The following ARMC2 variants were observed in gnomAD, a reference collection of about 807,000 sequenced individuals.
The protein encoded by ARMC2 is armadillo repeat containing 2.
Under a neutral mutation model 90.3 loss-of-function variants are expected in ARMC2, and 67 were observed. The observed-to-expected ratio is 0.74, with a 90% confidence interval of 0.61 to 0.91. The LOEUF is 0.91. Among genes scored for constraint, ARMC2 ranks in the 40% least tolerant of loss-of-function variants. ARMC2 has a pLI of 0.00. For synonymous variants in ARMC2, 393 were observed against 393.0 expected, an observed-to-expected ratio of 1.00 and a Z score of 0.00; for missense variants, 920 against 1,030.9, an observed-to-expected ratio of 0.89 and a Z score of 1.47.
chr6:108,895,407 C>G (rs1183713526), intron 6 of ARMC2, among the ~76,000 whole-genome samples: 1 of 149,902 alleles, frequency 6.7e-6, no homozygotes, highest in Non-Finnish European at 1.5e-5. Context: ...TCACTTGAAC[C>G]CAGGAGATGG....
chr6:108,893,889 G>A (rs1054573483), intron 5 of ARMC2, among the ~76,000 whole-genome samples: 1 of 152,146 alleles, frequency 6.6e-6, no homozygotes, highest in Non-Finnish European at 1.5e-5. Context: ...ATGGTGGCAT[G>A]TGCCTGTAAT....
At position 108,951,195 on chromosome 6, in the gene ARMC2, C is replaced by T. The variant is rs542598370; in HGVS notation, c.1597-1838C>T. Among the ~76,000 whole-genome samples, 12 of 152,328 alleles carry T rather than the reference C, an allele frequency of 7.9e-5. No homozygotes were observed. In the East Asian group the frequency reaches 9.6e-4, roughly 12 times the overall value. On this transcript the variant is annotated intron_variant, in intron 12 of 17. Transcript: ENST00000392644. ...ACCTGGGACTCATAATCCCCTTTCA[C>T]GTCTCGCTTCTTCCTTTGCCGTTTT...
the ARMC2 span, among the ~76,000 whole-genome samples, chr6:109,039,846 G>C: frequency 6.6e-6 from 1 of 152,222 alleles, no homozygotes; most frequent in Non-Finnish European, 1.5e-5. Context: ...AGTTAGTGAA[G>C]TGAATTATTG....
At chr6:109,040,842 C>T in the ARMC2 span, among the ~76,000 whole-genome samples, 5 of 151,680 alleles carry the variant, frequency 3.3e-5, no homozygotes, top group East Asian at 2.0e-4. Context: ...TTAGTAGAGA[C>T]GGGGTTTCAC....
the ARMC2 span, among the ~76,000 whole-genome samples, chr6:109,044,311 C>CA: frequency 0.012 from 349 of 28,458 alleles, 88 homozygotes; most frequent in East Asian, 0.031. Context: ...GAACTTGCCT[C>CA]AAAAAAAAAA....
intron 10 of ARMC2, among the ~76,000 whole-genome samples, chr6:108,925,788 G>T (rs556677205): frequency 6.6e-6 from 1 of 152,216 alleles, no homozygotes; most frequent in African/African-American, 2.4e-5. Flanking sequence ...ATTTCTACCA[G>T]CACCACAAAT....
the ARMC2 span, among the ~76,000 whole-genome samples, chr6:108,982,600 T>C: frequency 1.3e-5 from 2 of 152,210 alleles, no homozygotes; most frequent in African/African-American, 4.8e-5. Flanking sequence ...GCCACATAAG[T>C]GTTCCAATTT....
At chr6:109,013,172 G>A in the ARMC2 span, among the ~76,000 whole-genome samples, 1 of 152,136 alleles carries the variant, frequency 6.6e-6, no homozygotes, top group African/African-American at 2.4e-5. Flanking sequence ...TCATTCTTAA[G>A]GGTACTGTGG....
chr6:108,997,831 A>T, the ARMC2 span, among the ~76,000 whole-genome samples: 5 of 152,348 alleles, frequency 3.3e-5, no homozygotes, highest in African/African-American at 1.2e-4. Flanking sequence ...CTACAACAAA[A>T]GAATGCAGAA....
At chr6:108,894,349 A>G in intron 5 of ARMC2, 118 bp from the exon 6 acceptor site, 1 of 823,642 alleles carries the variant, frequency 1.2e-6, no homozygotes, top group African/African-American at 1.8e-5. Flanking sequence ...AGCCTGGATG[A>G]CAGAGTGAGA....
chr6:109,036,320 T>A, the ARMC2 span, among the ~76,000 whole-genome samples: 1 of 152,230 alleles, frequency 6.6e-6, no homozygotes, highest in African/African-American at 2.4e-5. Flanking sequence ...TTTGTCTGAG[T>A]GAAAAAGTAA....
At chr6:108,866,820 G>T (rs148943143) in intron 3 of ARMC2, among the ~76,000 whole-genome samples, 147 of 151,650 alleles carry the variant, frequency 9.7e-4, no homozygotes, top group African/African-American at 3.0e-3. Context: ...AATTTTTTTG[G>T]TCTGGTTTAT....
chr6:108,993,737 T>C, the ARMC2 span, among the ~76,000 whole-genome samples: 1 of 152,088 alleles, frequency 6.6e-6, no homozygotes, highest in African/African-American at 2.4e-5. Flanking sequence ...TCACAAATCA[T>C]ATAATTTTTG....
the ARMC2 span, among the ~76,000 whole-genome samples, chr6:109,010,030 G>T: frequency 6.6e-6 from 1 of 152,110 alleles, no homozygotes; most frequent in Non-Finnish European, 1.5e-5. Flanking sequence ...CAGAATGCAG[G>T]ACTTTGGCCT....
the ARMC2 span, among the ~76,000 whole-genome samples, chr6:109,035,827 C>T: frequency 1.3e-5 from 2 of 152,098 alleles, no homozygotes; most frequent in Non-Finnish European, 2.9e-5. Context: ...AGGCTGGTCT[C>T]AAACTCCTGG....
the ARMC2 span, among the ~76,000 whole-genome samples, chr6:109,033,303 A>C: frequency 6.6e-6 from 1 of 152,210 alleles, no homozygotes; most frequent in African/African-American, 2.4e-5. Context: ...TAAATGTAAG[A>C]AGGCAGACTG....
At chr6:108,870,598 AAAG>A (rs1425076888) in intron 4 of ARMC2, among the ~76,000 whole-genome samples, 1 of 150,378 alleles carries the variant, frequency 6.6e-6, no homozygotes, top group Non-Finnish European at 1.5e-5. Context: ...AGAAAAAAGG[AAAG>A]AAGGAAAGAA....
At chr6:109,008,057 A>G in the ARMC2 span, among the ~76,000 whole-genome samples, 1 of 152,190 alleles carries the variant, frequency 6.6e-6, no homozygotes, top group Non-Finnish European at 1.5e-5. Flanking sequence ...TAAAAATGAA[A>G]TACAACTATA....
Position 108,921,385 on chromosome 6 carries a change from G to A in ARMC2, c.1351-6703G>A, listed in dbSNP as rs75425685. Among the ~76,000 whole-genome samples the A allele has an allele frequency of 2.1e-3, 322 of 152,292 alleles. 4 individuals carry two copies. The highest frequency in any genetic ancestry group is 0.017 in the Middle Eastern group (5 of 294). ...GGACAGAAGCATTTCCTGCTAAGTC[G>A]GACACCCATGGTAGGGATGTGCCAA... On this transcript the variant is annotated intron_variant, in intron 10 of 17. Transcript: ENST00000392644.
Sources: allele counts gnomAD v4.1 joint callset (sites outside exome capture counted in the v4.1 genomes callset), GRCh38; gene constraint gnomAD v4.1.1; transcripts MANE v1.5; gene names NCBI Gene and HGNC (gene_info 2026-07-23, HGNC 2026-07-21).